NHS: variants seen among roughly 807,000 people sequenced by gnomAD.
The protein encoded by NHS is NHS actin remodeling regulator, also known as actin remodeling regulator NHS.
A neutral mutation model predicts 72.5 loss-of-function variants in NHS; 5 were observed. That is an observed-to-expected ratio of 0.07 (90% confidence interval 0.04 to 0.14). The LOEUF (loss-of-function observed/expected upper bound fraction) is 0.14. Among genes scored for constraint, NHS ranks in the 10% least tolerant of loss-of-function variants. The pLI is 1.00. For synonymous variants in NHS, 464 were observed against 547.7 expected (o/e 0.85, Z 2.13); for missense variants, 1,072 against 1,355.7 (o/e 0.79, Z 3.29).
At chrX:17,541,092 AT>A (rs1304785955) in intron 1 of NHS, among the ~76,000 whole-genome samples, 2 of 111,495 alleles carry the variant, frequency 1.8e-5, no homozygotes, top group African/African-American at 6.6e-5. Context: ...TAAAAAAAAA[AT>A]TTATTATGTA....
At chrX:17,606,243 G>A (rs1242362195) in intron 1 of NHS, among the ~76,000 whole-genome samples, 4 of 111,818 alleles carry the variant, frequency 3.6e-5, no homozygotes, top group African/African-American at 1.3e-4. Context: ...CACAGAGGAG[G>A]GATGCCTGAA....
At position 17,587,705 on chromosome X, in the gene NHS, G is replaced by A. The variant is rs1459598886; in HGVS notation, c.566-100037G>A. Among the ~76,000 whole-genome samples, 5 of 111,766 alleles carry A rather than the reference G, an allele frequency of 4.5e-5. No homozygotes were observed. The Admixed American group carries it at 4.7e-4, about 11-fold the overall frequency. ...TTCCTGGAGCCACAGTTGGAAGAGT[G>A]GTTTTAAGCAAATAGGTTCTTAGAG... is the stretch of plus-strand genomic sequence containing the variant. On this transcript the variant is annotated intron_variant, in intron 1 of 8. Coordinates refer to ENST00000676302, the MANE Select transcript of NHS (RefSeq NM_001291867.2).
chrX:17,639,981 C>T (rs2065872875), intron 1 of NHS, among the ~76,000 whole-genome samples: 1 of 111,890 alleles, frequency 8.9e-6, no homozygotes, highest in African/African-American at 3.3e-5. Flanking sequence ...ATCAAGTTTT[C>T]GGTAAGTTTT....
chrX:17,605,293 A>G (rs2065673309), intron 1 of NHS, among the ~76,000 whole-genome samples: 1 of 111,979 alleles, frequency 8.9e-6, no homozygotes, highest in South Asian at 3.8e-4. Context: ...CTTGCTTGCC[A>G]GGAATTGTAT....
At chrX:17,425,545 A>G (rs866569445) in intron 1 of NHS, among the ~76,000 whole-genome samples, 6 of 49,893 alleles carry the variant, frequency 1.2e-4, no homozygotes, top group African/African-American at 2.7e-4. Context: ...AAAAAAAAAA[A>G]AAAAAAAAAA....
chrX:17,711,667 C>A (rs548578009), intron 3 of NHS, among the ~76,000 whole-genome samples: 22 of 111,787 alleles, frequency 2.0e-4, no homozygotes, highest in East Asian at 1.7e-3. Context: ...TCAAGCTTTG[C>A]TCACTAGGGA....
chrX:17,493,510 T>C (rs1460368881), intron 1 of NHS, among the ~76,000 whole-genome samples: 1 of 112,235 alleles, frequency 8.9e-6, no homozygotes, highest in East Asian at 2.8e-4. Context: ...GCTTGTCCAC[T>C]GCATCGCCAG....
chrX:17,381,266 T>C lies in NHS; in HGVS notation c.565+4944T>C, dbSNP rs1296727413. Among the ~76,000 whole-genome samples the C allele has an allele frequency of 3.6e-5, 4 of 112,180 alleles. No individual in the cohort carries two copies. In the Admixed American group the frequency reaches 3.8e-4, roughly 11 times the overall value. On this transcript the variant is annotated intron_variant, in intron 1 of 8. Coordinates refer to ENST00000676302, the MANE Select transcript of NHS (RefSeq NM_001291867.2). ...GCTGGCATTTTGGTTGCCGTTGATT[T>C]ATTTAGTTACTGAGTTTTAAAATAA...
In NHS at chrX:17,575,167, A is replaced by G. The variant is rs1221265283; in HGVS notation, c.566-112575A>G. 6.2e-5 allele frequency among the ~76,000 whole-genome samples: 7 copies of G among 112,236 alleles called. No homozygotes were observed. The Admixed American group carries it at 6.6e-4, about 11-fold the overall frequency. ...CAGTCCATTCTGCACACAACCATCA[A>G]AGTGATCCTTTAACTCATGGGTCAC... is the stretch of plus-strand genomic sequence containing the variant. On this transcript the variant is annotated intron_variant, in intron 1 of 8. Transcript: ENST00000676302.
At chrX:17,521,471 T>C (rs753202915) in intron 1 of NHS, among the ~76,000 whole-genome samples, 9 of 108,948 alleles carry the variant, frequency 8.3e-5, no homozygotes, top group African/African-American at 3.1e-4. Context: ...CAAGCGATCC[T>C]CCTACCTCAG....
In NHS at chrX:17,376,102, G is replaced by GGCA. The variant is rs1464474677; in HGVS notation, c.347_348insAGC (p.Ala117dup). On this transcript the variant is annotated inframe_insertion, in exon 1 of 9. Transcript: ENST00000676302. ...GCGAGGCGTCCTCGGCGGCGGCGGC[G>GGCA]GCGGCCGTGCTGCTCATGCTGGACC... 14 of 1,091,417 alleles carry GGCA rather than the reference G, an allele frequency of 1.3e-5. No individual in the cohort carries two copies. Among genetic ancestry groups the GGCA allele is most frequent in the Non-Finnish European group, 1.7e-5 (14 of 844,483 alleles). 89.9% of individuals were successfully genotyped at this position (1,091,417 alleles called of 1,213,427 possible).
intron 1 of NHS, among the ~76,000 whole-genome samples, chrX:17,676,005 T>G (rs1476514834): frequency 6.3e-5 from 7 of 111,867 alleles, no homozygotes; most frequent in African/African-American, 2.0e-4. Context: ...AAGTAGATTT[T>G]AAGAGACTAA....
chrX:17,699,890 T>C (rs754047966), intron 3 of NHS, among the ~76,000 whole-genome samples: 7 of 111,950 alleles, frequency 6.3e-5, no homozygotes, highest in African/African-American at 1.6e-4. Flanking sequence ...AAAGAAAAGA[T>C]TGATGCATTT....
chrX:17,496,139 C>A (rs950664927), intron 1 of NHS, among the ~76,000 whole-genome samples: 6 of 111,653 alleles, frequency 5.4e-5, no homozygotes, highest in African/African-American at 2.0e-4. Context: ...AAGCCCAGCC[C>A]AGCCCAGCTA....
At chrX:17,616,805 A>T (rs1247878682) in intron 1 of NHS, among the ~76,000 whole-genome samples, 4 of 112,608 alleles carry the variant, frequency 3.6e-5, no homozygotes, top group Non-Finnish European at 7.5e-5. Context: ...CATTTGAATT[A>T]ATTAAAATTA....
intron 1 of NHS, among the ~76,000 whole-genome samples, chrX:17,662,004 C>G (rs1018122325): frequency 8.9e-6 from 1 of 112,214 alleles, no homozygotes; most frequent in Non-Finnish European, 1.9e-5. Context: ...CCCAACTTCT[C>G]GCTCTGCCCA....
chrX:17,510,796 G>A (rs370531793), intron 1 of NHS, among the ~76,000 whole-genome samples: 3 of 112,391 alleles, frequency 2.7e-5, no homozygotes, highest in Admixed American at 9.4e-5. Context: ...ATAAGGCTTC[G>A]TGGCCTATTT....
At chrX:17,669,487 A>G (rs973367863) in intron 1 of NHS, among the ~76,000 whole-genome samples, 2 of 112,113 alleles carry the variant, frequency 1.8e-5, no homozygotes, top group African/African-American at 6.5e-5. Flanking sequence ...TAAAGATTTC[A>G]TCTTTGCCAT....
At chrX:17,526,254 G>A (rs1569272795) in intron 1 of NHS, among the ~76,000 whole-genome samples, 1 of 112,405 alleles carries the variant, frequency 8.9e-6, no homozygotes, top group South Asian at 3.6e-4. Context: ...TTCCAGTCTG[G>A]GCTAGGCCAG....
Sources: gnomAD v4.1 joint callset for allele counts (sites outside exome capture counted in the v4.1 genomes callset) on GRCh38, gnomAD v4.1.1 for gene constraint, MANE v1.5 for transcripts, NCBI Gene and HGNC (gene_info 2026-07-23, HGNC 2026-07-21) for gene names.